Variants in FBXW7 observed in about 807,000 individuals in gnomAD.
The protein encoded by FBXW7 is F-box and WD repeat domain containing 7, also known as F-box/WD repeat-containing protein 7.
FBXW7 carries 11 observed loss-of-function variants against 86.3 expected under a neutral mutation model. That is an observed-to-expected ratio of 0.13 (90% CI 0.08 to 0.21). The LOEUF is 0.21. FBXW7 is among the 10% of genes least tolerant of loss of function. FBXW7 has a pLI of 1.00. For missense variants in FBXW7, 488 were observed against 847.4 expected, an observed-to-expected ratio of 0.58 and a Z score of 5.27; for synonymous variants, 313 against 297.9, an observed-to-expected ratio of 1.05 and a Z score of -0.52.
At chr4:152,520,891 A>C (rs143576134) in intron 2 of FBXW7, among the ~76,000 whole-genome samples, 149 of 152,306 alleles carry the variant, frequency 9.8e-4, no homozygotes, top group African/African-American at 3.5e-3. Flanking sequence ...TTCACATGAA[A>C]ATTTTATCAG....
intron 2 of FBXW7, among the ~76,000 whole-genome samples, chr4:152,433,658 T>C (rs879820978): frequency 6.6e-6 from 1 of 152,198 alleles, no homozygotes; most frequent in Non-Finnish European, 1.5e-5. Context: ...TGGTGACTGT[T>C]GCGCTCTACC....
At chr4:152,326,633 A>G (rs2126502067) in intron 11 of FBXW7, among the ~76,000 whole-genome samples, 1 of 152,160 alleles carries the variant, frequency 6.6e-6, no homozygotes, top group East Asian at 1.9e-4. Context: ...TTAATGGGAG[A>G]ACTCTAGGTG....
At chr4:152,523,358 A>G (rs1455311065) in intron 2 of FBXW7, among the ~76,000 whole-genome samples, 2 of 152,240 alleles carry the variant, frequency 1.3e-5, no homozygotes, top group Non-Finnish European at 2.9e-5. Context: ...TCAGTTAACA[A>G]TAAATAAAGG....
chr4:152,427,349 C>T (rs373876481), intron 2 of FBXW7, among the ~76,000 whole-genome samples: 2 of 152,146 alleles, frequency 1.3e-5, no homozygotes, highest in South Asian at 2.1e-4. Context: ...GATCAATGGC[C>T]GTGCATTGAG....
At chr4:152,527,932 A>G (rs1749677919) in intron 2 of FBXW7, among the ~76,000 whole-genome samples, 1 of 151,860 alleles carries the variant, frequency 6.6e-6, no homozygotes, top group Non-Finnish European at 1.5e-5. Flanking sequence ...ACATTCTTCC[A>G]AAAACAAACC....
chr4:152,498,612 T>C (rs1283721599), intron 2 of FBXW7, among the ~76,000 whole-genome samples: 5 of 152,168 alleles, frequency 3.3e-5, no homozygotes, highest in Non-Finnish European at 7.3e-5. Context: ...GCTTATCATT[T>C]AGTGCGGAAG....
intron 2 of FBXW7, among the ~76,000 whole-genome samples, chr4:152,435,239 T>C (rs1014168795): frequency 1.3e-5 from 2 of 152,216 alleles, no homozygotes; most frequent in African/African-American, 4.8e-5. Flanking sequence ...TGTCTATTCC[T>C]CAGAACCCAT....
chr4:152,438,643 C>T (rs1164708978), intron 2 of FBXW7, among the ~76,000 whole-genome samples: 4 of 152,112 alleles, frequency 2.6e-5, no homozygotes, highest in Admixed American at 6.5e-5. Flanking sequence ...TCACTGCACT[C>T]GAGCCTGGGT....
In FBXW7 at chr4:152,326,000, T is replaced by A; in HGVS notation, c.1644+6A>T. The A allele has an allele frequency of 6.2e-7, 1 of 1,609,414 alleles. No individual in the cohort carries two copies. Among genetic ancestry groups the A allele is most frequent in the Non-Finnish European group, 8.5e-7 (1 of 1,176,164 alleles). Reference sequence around the variant, plus strand: ...GAGCATTTAAGGGAGAGATAAGAGATCTTACCTGTAATGAATAGACTCTAT... The same window carrying A: ...GAGCATTTAAGGGAGAGATAAGAGAACTTACCTGTAATGAATAGACTCTAT... On this transcript the variant is annotated splice_donor_region_variant and intron_variant, in intron 12 of 13. Coordinates refer to ENST00000281708, the MANE Select transcript of FBXW7 (RefSeq NM_001349798.2).
At chr4:152,325,656 T>C (rs1178115495) in intron 12 of FBXW7, 1 of 216,346 alleles carries the variant, frequency 4.6e-6, no homozygotes, top group Non-Finnish European at 9.3e-6. Flanking sequence ...AAGGGGCAGC[T>C]TTTGGCCATA....
At chr4:152,445,907 CT>C (rs1741331871) in intron 2 of FBXW7, among the ~76,000 whole-genome samples, 3 of 80,704 alleles carry the variant, frequency 3.7e-5, no homozygotes, top group Non-Finnish European at 7.4e-5. Flanking sequence ...AAGACTCTGT[CT>C]TTAAAAAAAA....
At position 152,535,698 on chromosome 4, in the gene FBXW7, C is replaced by G. The variant is rs1750486804; in HGVS notation, c.-784G>C. Reference sequence around the variant, plus strand: ...TACACCTTGGGGGTCTCGCCCCACGCCCCACGGGACGAGGCAGAAGCTCTG... The same window carrying G: ...TACACCTTGGGGGTCTCGCCCCACGGCCCACGGGACGAGGCAGAAGCTCTG... On this transcript the variant is annotated 5_prime_UTR_variant, in exon 1 of 14. Transcript: ENST00000281708. The G allele has an allele frequency of 5.1e-6, 2 of 395,790 alleles. No homozygotes were observed. Among genetic ancestry groups the G allele is most frequent in the Non-Finnish European group, 8.9e-6 (2 of 224,154 alleles). 24.5% of individuals were successfully genotyped at this position (395,790 alleles called of 1,614,324 possible).
At chr4:152,472,816 T>C (rs182350543) in intron 2 of FBXW7, among the ~76,000 whole-genome samples, 1 of 152,268 alleles carries the variant, frequency 6.6e-6, no homozygotes, top group Admixed American at 6.5e-5. Flanking sequence ...AAATTACCTC[T>C]CAATAACTTT....
chr4:152,488,719 C>G (rs1177997818), intron 2 of FBXW7, among the ~76,000 whole-genome samples: 1 of 152,042 alleles, frequency 6.6e-6, no homozygotes, highest in African/African-American at 2.4e-5. Flanking sequence ...ATTAATTATT[C>G]TCTTGTGTTT....
intron 7 of FBXW7, among the ~76,000 whole-genome samples, chr4:152,333,611 T>C (rs988463934): frequency 6.6e-6 from 1 of 152,168 alleles, no homozygotes; most frequent in Non-Finnish European, 1.5e-5. Context: ...AGTTTTCATA[T>C]GAAATAAATG....
At chr4:152,527,956 G>C (rs1749679895) in intron 2 of FBXW7, among the ~76,000 whole-genome samples, 1 of 151,520 alleles carries the variant, frequency 6.6e-6, no homozygotes, top group South Asian at 2.1e-4. Context: ...AATTTGCCTT[G>C]AGACTTCACA....
chr4:152,434,550 T>G (rs1388473180), intron 2 of FBXW7, among the ~76,000 whole-genome samples: 1 of 152,184 alleles, frequency 6.6e-6, no homozygotes, highest in African/African-American at 2.4e-5. Context: ...TGTCCCCAAC[T>G]TTCTCCTGAA....
intron 7 of FBXW7, among the ~76,000 whole-genome samples, chr4:152,333,623 C>G (rs1436160718): frequency 3.9e-5 from 6 of 151,954 alleles, no homozygotes; most frequent in Non-Finnish European, 8.8e-5. Context: ...AAATAAATGA[C>G]AAGAACTAAC....
intron 2 of FBXW7, among the ~76,000 whole-genome samples, chr4:152,498,889 G>A (rs908516659): frequency 6.6e-6 from 1 of 152,104 alleles, no homozygotes; most frequent in Non-Finnish European, 1.5e-5. Flanking sequence ...GAGTATAAGT[G>A]CTTGACAATT....
Sources: allele counts gnomAD v4.1 joint callset (sites outside exome capture counted in the v4.1 genomes callset), GRCh38; gene constraint gnomAD v4.1.1; transcripts MANE v1.5; gene names NCBI Gene and HGNC (gene_info 2026-07-23, HGNC 2026-07-21).